TRPS1: variants seen among roughly 807,000 people sequenced by gnomAD.
The protein encoded by TRPS1 is zinc finger transcription factor Trps1.
A neutral mutation model predicts 101.2 loss-of-function variants in TRPS1; 6 were observed. The observed-to-expected ratio is 0.06, with a 90% CI of 0.03 to 0.12. The LOEUF (loss-of-function observed/expected upper bound fraction) is 0.12, where lower values mean the gene tolerates loss of function less well. TRPS1 is among the 10% of genes least tolerant of loss of function. The pLI is 1.00. For synonymous variants in TRPS1, 578 were observed against 589.8 expected (o/e 0.98, Z 0.29); for missense variants, 1,363 against 1,567.0 (o/e 0.87, Z 2.20).
rs1171869387 is a variant in TRPS1, at chr8:115,418,805, T to C, written c.2701-353A>G. ...GTCAAAAAGACAGAACATGGCAATA[T>C]GTTTAATACACTTTGGAAAGGAGGA... On this transcript the variant is annotated intron_variant, in intron 5 of 6. Coordinates refer to ENST00000395715, the MANE Select transcript of TRPS1 (RefSeq NM_014112.5). This position sits in a 1 kb window ranked among gnomAD's most constrained non-coding sequence, Gnocchi z 4.3. 1.3e-5 allele frequency among the ~76,000 whole-genome samples: 2 copies of C among 152,200 alleles called. No individual in the cohort carries two copies. Among genetic ancestry groups the C allele is most frequent in the Non-Finnish European group, 2.9e-5 (2 of 68,042 alleles).
chr8:115,461,961 C>T (rs1345406240), intron 5 of TRPS1, among the ~76,000 whole-genome samples: 1 of 151,948 alleles, frequency 6.6e-6, no homozygotes, highest in Non-Finnish European at 1.5e-5. Flanking sequence ...CAAACCAAAC[C>T]CAGAACCAAT....
intron 4 of TRPS1, among the ~76,000 whole-genome samples, chr8:115,596,853 A>C (rs1199941712): frequency 2.0e-5 from 3 of 151,884 alleles, no homozygotes; most frequent in Non-Finnish European, 4.4e-5. Context: ...AAATTTGTAT[A>C]GTTTTATCTT....
At chr8:115,456,715 T>C (rs866550623) in intron 5 of TRPS1, among the ~76,000 whole-genome samples, 8 of 152,136 alleles carry the variant, frequency 5.3e-5, no homozygotes, top group Middle Eastern at 3.4e-3. Context: ...AGAAAATATA[T>C]GGCTTTTCTA....
intron 1 of TRPS1, among the ~76,000 whole-genome samples, chr8:115,651,188 C>T (rs1288560713): frequency 2.0e-5 from 3 of 152,122 alleles, no homozygotes. Context: ...TACAAGGCTG[C>T]CTGTGTTCTC....
Position 115,413,856 on chromosome 8 carries a change from T to G in TRPS1, c.*167A>C. 1 of 666,124 alleles carries G rather than the reference T, an allele frequency of 1.5e-6. No individual in the cohort carries two copies. The highest frequency in any genetic ancestry group is 2.5e-6 in the Non-Finnish European group (1 of 399,094). The allele number at this position is 666,124 out of a possible 1,614,324, so 41.3% of individuals were successfully genotyped here. On this transcript the variant is annotated 3_prime_UTR_variant, in exon 7 of 7. Transcript: ENST00000395715. Reference sequence around the variant, plus strand: ...GACCATTTATCTCACTTTTTAATCTTGGTAACCTACTCATCAAAAGAAAGA... The same window carrying G: ...GACCATTTATCTCACTTTTTAATCTGGGTAACCTACTCATCAAAAGAAAGA...
intron 5 of TRPS1, among the ~76,000 whole-genome samples, chr8:115,578,403 T>C (rs1420607350): frequency 1.3e-5 from 2 of 152,116 alleles, no homozygotes; most frequent in Non-Finnish European, 2.9e-5. Flanking sequence ...ATATACTACA[T>C]GAAATTATCC....
chr8:115,564,658 T>G (rs1023947852), intron 5 of TRPS1, among the ~76,000 whole-genome samples: 3 of 152,196 alleles, frequency 2.0e-5, no homozygotes, highest in Admixed American at 2.0e-4. Context: ...ATTATTTCTT[T>G]CCAGTTTCTG....
At chr8:115,458,820 C>G (rs945360887) in intron 5 of TRPS1, among the ~76,000 whole-genome samples, 4 of 152,086 alleles carry the variant, frequency 2.6e-5, no homozygotes, top group Admixed American at 2.6e-4. Context: ...CTTTCTGCTT[C>G]AATAGGAAAA....
chr8:115,515,734 A>G (rs1274891912), intron 5 of TRPS1, among the ~76,000 whole-genome samples: 2 of 151,578 alleles, frequency 1.3e-5, no homozygotes, highest in Non-Finnish European at 1.5e-5. Context: ...ATCTTAAGTT[A>G]TCATGTAAAA....
At chr8:115,569,532 ACAAAAG>A (rs1817150812) in intron 5 of TRPS1, among the ~76,000 whole-genome samples, 1 of 152,130 alleles carries the variant, frequency 6.6e-6, no homozygotes, top group Non-Finnish European at 1.5e-5. Flanking sequence ...TCCTGAGTTC[ACAAAAG>A]CTTTCAAGTT....
At chr8:115,663,078 C>G (rs2130633167) in intron 1 of TRPS1, among the ~76,000 whole-genome samples, 1 of 152,120 alleles carries the variant, frequency 6.6e-6, no homozygotes, top group East Asian at 1.9e-4. Flanking sequence ...AACCCAAAAA[C>G]TGTTTAAGTT....
intron 5 of TRPS1, among the ~76,000 whole-genome samples, chr8:115,515,662 T>G (rs181465603): frequency 1.1e-4 from 17 of 151,642 alleles, no homozygotes; most frequent in African/African-American, 3.6e-4. Flanking sequence ...AATTACATCA[T>G]GTTGTGGTTT....
chr8:115,660,058 T>C (rs1321720263), intron 1 of TRPS1, among the ~76,000 whole-genome samples: 1 of 151,988 alleles, frequency 6.6e-6, no homozygotes, highest in Non-Finnish European at 1.5e-5. Context: ...GAGCAAAAGC[T>C]AACACTAGAT....
intron 5 of TRPS1, among the ~76,000 whole-genome samples, chr8:115,574,693 A>T (rs1240098755): frequency 6.6e-6 from 1 of 152,086 alleles, no homozygotes; most frequent in African/African-American, 2.4e-5. Flanking sequence ...ACCAAAACAC[A>T]TTAAGAAATT....
chr8:115,442,550 CGTGTGTGTGTGTGT>C (rs10570037), intron 5 of TRPS1, among the ~76,000 whole-genome samples: 1 of 145,014 alleles, frequency 6.9e-6, no homozygotes, highest in African/African-American at 2.5e-5. Flanking sequence ...AAGTATGGTG[CGTGTGTGTGTGTGT>C]GTGTGTGTGT....
chr8:115,436,460 C>A (rs1210832117), intron 5 of TRPS1, among the ~76,000 whole-genome samples: 1 of 152,182 alleles, frequency 6.6e-6, no homozygotes, highest in Admixed American at 6.5e-5. Context: ...AAACTTGGGT[C>A]ATGTCCCTGC....
intron 5 of TRPS1, among the ~76,000 whole-genome samples, chr8:115,433,798 T>C (rs1231879303): frequency 6.6e-6 from 1 of 152,172 alleles, no homozygotes; most frequent in Non-Finnish European, 1.5e-5. Flanking sequence ...GGGTCCACCA[T>C]TTTCCAACAT....
At position 115,409,263 on chromosome 8, in the gene TRPS1, A is replaced by G. The variant is rs1374764908; in HGVS notation, c.*4760T>C. 1.7e-4 allele frequency: 15 copies of G among 86,378 alleles called. No individual in the cohort carries two copies. Among genetic ancestry groups the G allele is most frequent in the South Asian group, 3.9e-4 (1 of 2,552 alleles). The allele number at this position is 86,378 out of a possible 1,614,324, so 5.4% of individuals were successfully genotyped here. A position where few individuals can be genotyped will look rare whatever the true frequency, so the allele number is the denominator to read the frequency against. On this transcript the variant is annotated 3_prime_UTR_variant, in exon 7 of 7. Transcript: ENST00000395715. The stretch of plus-strand genomic sequence containing the variant: ...ATATGCTGCAGTTTATATGTTGGGA[A>G]AAAAAAAAAAAAAAAAAACAGGGGA...
intron 1 of TRPS1, among the ~76,000 whole-genome samples, chr8:115,647,347 G>A (rs908993151): frequency 2.0e-5 from 3 of 152,118 alleles, no homozygotes; most frequent in African/African-American, 7.2e-5. Flanking sequence ...TTAAAAATAA[G>A]CTTGATGATG....
Sources: allele counts gnomAD v4.1 joint callset (sites outside exome capture counted in the v4.1 genomes callset), GRCh38; gene constraint gnomAD v4.1.1; non-coding constraint Gnocchi (gnomAD v3.1); transcripts MANE v1.5; gene names NCBI Gene and HGNC (gene_info 2026-07-23, HGNC 2026-07-21).